Variants in DGKI observed in about 807,000 individuals in gnomAD.
DGKI encodes the protein DAG kinase iota.
Under a neutral mutation model 147.5 loss-of-function variants are expected in DGKI, and 55 were observed. The ratio of observed to expected loss-of-function variants is 0.37; its 90% CI spans 0.30 to 0.47. DGKI has a LOEUF of 0.47. Among genes scored for constraint, DGKI ranks in the 20% least tolerant of loss-of-function variants. The probability of loss-of-function intolerance (pLI) is 1.00; values close to 1 mark genes in which losing one functional copy is unlikely to be tolerated. For synonymous variants in DGKI, 469 were observed against 477.1 expected, an observed-to-expected ratio of 0.98 and a Z score of 0.22; for missense variants, 1,007 against 1,323.8, an observed-to-expected ratio of 0.76 and a Z score of 3.71.
At position 137,381,141 on chromosome 7, in the gene DGKI, T is replaced by G. The variant is rs1811049915; in HGVS notation, c.*10079A>C. 1 of 152,152 alleles carries G rather than the reference T, an allele frequency of 6.6e-6. No homozygotes were observed. Among genetic ancestry groups the G allele is most frequent in the African/African-American group, 2.4e-5 (1 of 41,444 alleles). The allele number at this position is 152,152 out of a possible 1,614,324, so 9.4% of individuals were successfully genotyped here. On this transcript the variant is annotated 3_prime_UTR_variant, in exon 33 of 33. Coordinates refer to ENST00000614521, the MANE Select transcript of DGKI (RefSeq NM_001321708.2). ...GTCAATTTCTTTTTCAGAGATTAGT[T>G]CAGTCTCCCAAATTAACTCCATTGA... is the stretch of plus-strand genomic sequence containing the variant.
chr7:137,568,634 G>T (rs892480518), intron 19 of DGKI, among the ~76,000 whole-genome samples: 5 of 152,158 alleles, frequency 3.3e-5, no homozygotes, highest in South Asian at 2.1e-4. Context: ...GTGAGCACAG[G>T]TTGCTTGCTT....
chr7:137,517,403 GAGAA>G (rs963483322), intron 21 of DGKI, among the ~76,000 whole-genome samples: 7 of 147,000 alleles, frequency 4.8e-5, no homozygotes, highest in African/African-American at 8.0e-5. Context: ...GAGAAAGAGA[GAGAA>G]AGAGAGAGAA....
At chr7:137,806,633 C>T (rs1331712576) in intron 1 of DGKI, among the ~76,000 whole-genome samples, 1 of 152,070 alleles carries the variant, frequency 6.6e-6, no homozygotes, top group Non-Finnish European at 1.5e-5. Context: ...TGGGGTTTCA[C>T]CGTGTTAGCC....
chr7:137,822,748 T>C (rs1230619981), intron 1 of DGKI, among the ~76,000 whole-genome samples: 7 of 151,794 alleles, frequency 4.6e-5, no homozygotes, highest in South Asian at 4.1e-4. Flanking sequence ...AAAATTATTA[T>C]TAATACCCTC....
chr7:137,780,660 G>T (rs529054991), intron 1 of DGKI, among the ~76,000 whole-genome samples: 24 of 152,230 alleles, frequency 1.6e-4, no homozygotes, highest in African/African-American at 5.3e-4. Flanking sequence ...CTAAATGGGG[G>T]TAGAAAAATG....
At chr7:137,771,925 G>A (rs749988792) in intron 1 of DGKI, 1 of 152,248 alleles carries the variant, frequency 6.6e-6, no homozygotes, top group Non-Finnish European at 1.5e-5. Context: ...ATCACTGGGT[G>A]TAGGAATCAG....
At chr7:137,397,759 G>A (rs952690632) in intron 30 of DGKI, among the ~76,000 whole-genome samples, 1 of 152,168 alleles carries the variant, frequency 6.6e-6, no homozygotes, top group Admixed American at 6.5e-5. Flanking sequence ...TTAGGAATCA[G>A]GGCAATTTCT....
chr7:137,586,562 T>G (rs1819406511), intron 13 of DGKI, among the ~76,000 whole-genome samples: 1 of 152,182 alleles, frequency 6.6e-6, no homozygotes, highest in Non-Finnish European at 1.5e-5. Flanking sequence ...GGCTGTTTAG[T>G]GACTGCAGAA....
chr7:137,551,266 G>T (rs560133666), intron 20 of DGKI, among the ~76,000 whole-genome samples: 1 of 152,276 alleles, frequency 6.6e-6, no homozygotes, highest in African/African-American at 2.4e-5. Flanking sequence ...GTCTAATCCT[G>T]TTCCTCAACC....
At chr7:137,826,297 C>T (rs998612873) in intron 1 of DGKI, among the ~76,000 whole-genome samples, 2 of 152,196 alleles carry the variant, frequency 1.3e-5, no homozygotes, top group Non-Finnish European at 2.9e-5. Context: ...AATGCATGTA[C>T]ATAATGCAGA....
At chr7:137,427,470 C>G (rs1812865969) in intron 28 of DGKI, among the ~76,000 whole-genome samples, 1 of 151,912 alleles carries the variant, frequency 6.6e-6, no homozygotes, top group African/African-American at 2.4e-5. Flanking sequence ...AATTGACACC[C>G]TAACATCACA....
chr7:137,460,802 A>G (rs1400813745), intron 27 of DGKI, among the ~76,000 whole-genome samples: 1 of 152,238 alleles, frequency 6.6e-6, no homozygotes, highest in Non-Finnish European at 1.5e-5. Context: ...TGTGTTGTTT[A>G]TGGCTTGAAA....
At chr7:137,830,811 C>G (rs1798196218) in intron 1 of DGKI, among the ~76,000 whole-genome samples, 1 of 152,144 alleles carries the variant, frequency 6.6e-6, no homozygotes, top group African/African-American at 2.4e-5. Flanking sequence ...CAGTTTCAGA[C>G]TCAACATGAA....
chr7:137,656,554 T>C lies in DGKI; in HGVS notation c.607-14A>G. ...GAGAGCTGATTTCTACAATATTCAA[T>C]TCAAAAGACAAAAAAGAAATGTTAA... is the stretch of plus-strand genomic sequence containing the variant. On this transcript the variant is annotated splice_polypyrimidine_tract_variant and intron_variant, in intron 3 of 32. Transcript: ENST00000614521. The C allele has an allele frequency of 6.2e-7, 1 of 1,613,634 alleles. No homozygotes were observed. Among genetic ancestry groups the C allele is most frequent in the Non-Finnish European group, 8.5e-7 (1 of 1,179,594 alleles).
At chr7:137,585,823 G>A (rs753011061) in intron 13 of DGKI, among the ~76,000 whole-genome samples, 8 of 152,130 alleles carry the variant, frequency 5.3e-5, no homozygotes, top group African/African-American at 1.2e-4. Context: ...CATTCTTCCC[G>A]TGACCTGAAG....
chr7:137,492,417 G>T (rs1344869057), intron 21 of DGKI, among the ~76,000 whole-genome samples: 3 of 152,168 alleles, frequency 2.0e-5, no homozygotes, highest in African/African-American at 7.2e-5. Context: ...AAAGGACACA[G>T]ATGCTGGGTT....
chr7:137,412,237 T>G, intron 28 of DGKI, 30 bp from the exon 29 acceptor site: 1 of 1,598,834 alleles, frequency 6.3e-7, no homozygotes, highest in Non-Finnish European at 8.6e-7. Context: ...GATGTCCCAT[T>G]AGTAGAAGAC....
At chr7:137,448,326 CAATGCA>C (rs1813794414) in intron 27 of DGKI, among the ~76,000 whole-genome samples, 1 of 145,668 alleles carries the variant, frequency 6.9e-6, no homozygotes, top group African/African-American at 2.5e-5. Context: ...AAAACTCACC[CAATGCA>C]AATATTACAA....
At chr7:137,744,314 A>G (rs1170997772) in intron 1 of DGKI, among the ~76,000 whole-genome samples, 1 of 152,182 alleles carries the variant, frequency 6.6e-6, no homozygotes, top group Non-Finnish European at 1.5e-5. Flanking sequence ...CTAAAAGCAC[A>G]CAACCTCTGA....
Sources: gnomAD v4.1 joint callset for allele counts (sites outside exome capture counted in the v4.1 genomes callset) on GRCh38, gnomAD v4.1.1 for gene constraint, MANE v1.5 for transcripts, NCBI Gene and HGNC (gene_info 2026-07-23, HGNC 2026-07-21) for gene names.